Variants in ZNF268 observed in about 807,000 individuals in gnomAD.
ZNF268 encodes zinc finger protein 268, also known as zinc finger protein 3.
A neutral mutation model predicts 29.3 loss-of-function variants in ZNF268; 20 were observed. The ratio of observed to expected loss-of-function variants is 0.68; its 90% CI spans 0.48 to 0.99. The LOEUF is 0.99. ZNF268 is among the 50% of genes least tolerant of loss of function. The pLI is 0.00. For missense variants in ZNF268, 1,240 were observed against 1,121.6 expected (o/e 1.11, Z -1.51); for synonymous variants, 429 against 376.9 (o/e 1.14, Z -1.60).
intron 5 of ZNF268, among the ~76,000 whole-genome samples, chr12:133,197,783 G>A (rs1406009376): frequency 1.3e-5 from 2 of 152,080 alleles, no homozygotes; most frequent in Non-Finnish European, 2.9e-5. Context: ...TTTCTCTGAT[G>A]GCCAGTGATG....
rs563543417 is a variant in ZNF268, at chr12:133,204,619, A to G, written c.*89A>G. The G allele has an allele frequency of 1.2e-5, 13 of 1,041,160 alleles. No individual in the cohort carries two copies. The East Asian group carries it at 3.2e-4, about 26-fold the overall frequency. 64.5% of individuals were successfully genotyped at this position (1,041,160 alleles called of 1,614,324 possible). A position where few individuals can be genotyped will look rare whatever the true frequency, so the allele number is the denominator to read the frequency against. ...ACTCTGTAAGTGGAATCATCTTGTCATCTTCCAGAAAACTCATACTGAATA... is the reference window on the plus strand; with the variant it reads ...ACTCTGTAAGTGGAATCATCTTGTCGTCTTCCAGAAAACTCATACTGAATA... On this transcript the variant is annotated 3_prime_UTR_variant, in exon 6 of 6. Transcript: ENST00000536435.
Position 133,207,773 on chromosome 12 carries a change from A to C in ZNF268, c.*3243A>C, listed in dbSNP as rs1246790420. 1 of 152,122 alleles carries C rather than the reference A, an allele frequency of 6.6e-6. No homozygotes were observed. The highest frequency in any genetic ancestry group is 1.5e-5 in the Non-Finnish European group (1 of 68,036). The allele number at this position is 152,122 out of a possible 1,614,324, so 9.4% of individuals were successfully genotyped here. A position where few individuals can be genotyped will look rare whatever the true frequency, so the allele number is the denominator to read the frequency against. ...CAGTGAGCTGAGATCGTACCACTGTACTCCACCCTGGGTGACAGAACTAGA... is the reference window on the plus strand; with the variant it reads ...CAGTGAGCTGAGATCGTACCACTGTCCTCCACCCTGGGTGACAGAACTAGA... On this transcript the variant is annotated 3_prime_UTR_variant, in exon 6 of 6. Transcript: ENST00000536435.
rs763458047 is a variant in ZNF268 at position 133,202,806 on chromosome 12, C to G, written c.1120C>G (p.Gln374Glu). 1.2e-6 allele frequency: 2 copies of G among 1,605,942 alleles called. No individual in the cohort carries two copies. Among genetic ancestry groups the G allele is most frequent in the Admixed American group, 3.4e-5 (2 of 59,234 alleles). Reference sequence around the variant, plus strand: ...TGGGAAAGTCTTCAGTAGGAAAGACCAGCTTGTTTCACACCAGAAAACTCA... The same window carrying G: ...TGGGAAAGTCTTCAGTAGGAAAGACGAGCTTGTTTCACACCAGAAAACTCA... ...ECGKVFSRKD[Q>E]LVSHQKTHSG... The change falls in exon 6 of 6, where the codon CAG becomes GAG. Residue 374 changes from glutamine to glutamate, a missense_variant. This residue lies in a region of ZNF268 where 1,177 missense variants were observed against 1,039.6 expected (regional missense o/e 1.13). Transcript: ENST00000536435.
rs376850166 is a variant in ZNF268, at chr12:133,212,518, T to TAC, written c.*7994_*7995dup. On this transcript the variant is annotated 3_prime_UTR_variant, in exon 6 of 6. Coordinates refer to ENST00000536435, the MANE Select transcript of ZNF268 (RefSeq NM_003415.3). ...ATATATGTATATATACACACACACATACACACATATATACACATATATATA... is the reference window on the plus strand; with the variant it reads ...ATATATGTATATATACACACACACATACACACACATATATACACATATATATA... 8 of 138,142 alleles carry TAC rather than the reference T, an allele frequency of 5.8e-5. No homozygotes were observed. Among genetic ancestry groups the TAC allele is most frequent in the East Asian group, 2.0e-4 (1 of 5,012 alleles). 8.6% of individuals were successfully genotyped at this position (138,142 alleles called of 1,614,324 possible). A position where few individuals can be genotyped will look rare whatever the true frequency, so the allele number is the denominator to read the frequency against.
At chr12:133,182,159 T>C (rs1956192930) in intron 2 of ZNF268, 129 bp downstream of exon 2, 2 of 819,336 alleles carry the variant, frequency 2.4e-6, no homozygotes, top group South Asian at 3.7e-5. Flanking sequence ...AACTGGATCG[T>C]CATTTATAGC....
Position 133,203,445 on chromosome 12 carries a change from A to G in ZNF268, c.1759A>G (p.Thr587Ala), listed in dbSNP as rs185079658. 1.6e-5 allele frequency: 25 copies of G among 1,542,650 alleles called. No individual in the cohort carries two copies. Among genetic ancestry groups the G allele is most frequent in the Non-Finnish European group, 1.9e-5 (22 of 1,148,680 alleles). ...THAGEKPYEC[T>A]DCGKAFGLKS... ...TGCAGGAGAGAAGCCTTATGAATGCACCGACTGTGGAAAGGCTTTTGGTTT... is the reference window on the plus strand; with the variant it reads ...TGCAGGAGAGAAGCCTTATGAATGCGCCGACTGTGGAAAGGCTTTTGGTTT... The change falls in exon 6 of 6, where the codon ACC becomes GCC. Residue 587 changes from threonine to alanine, a missense_variant. Physicochemically the swap from Thr to Ala is moderately conservative, Grantham distance 58. Transcript: ENST00000536435.
In ZNF268 at chr12:133,207,156, C is replaced by T. The variant is rs1368929540; in HGVS notation, c.*2626C>T. ...AATCTATCTAGTCCTTCTACCCCAG[C>T]CCCAGAAAAGAAAGACATTCCAGAG... On this transcript the variant is annotated 3_prime_UTR_variant, in exon 6 of 6. Coordinates refer to ENST00000536435, the MANE Select transcript of ZNF268 (RefSeq NM_003415.3). The T allele has an allele frequency of 6.6e-6, 1 of 152,072 alleles. No homozygotes were observed. Among genetic ancestry groups the T allele is most frequent in the Non-Finnish European group, 1.5e-5 (1 of 68,016 alleles). The allele number at this position is 152,072 out of a possible 1,614,324, so 9.4% of individuals were successfully genotyped here.
In ZNF268 at chr12:133,208,673, T is replaced by A. The variant is rs1433457808; in HGVS notation, c.*4143T>A. 3.9e-5 allele frequency: 6 copies of A among 152,064 alleles called. No individual in the cohort carries two copies. The highest frequency in any genetic ancestry group is 1.2e-4 in the African/African-American group (5 of 41,376). 9.4% of individuals were successfully genotyped at this position (152,064 alleles called of 1,614,324 possible). A position where few individuals can be genotyped will look rare whatever the true frequency, so the allele number is the denominator to read the frequency against. On this transcript the variant is annotated 3_prime_UTR_variant, in exon 6 of 6. Coordinates refer to ENST00000536435, the MANE Select transcript of ZNF268 (RefSeq NM_003415.3). The stretch of plus-strand genomic sequence containing the variant: ...CTGTCTGTAAAAAACAAAGCAAAAT[T>A]ACAAGAATGCGCATCACTTTTATGA...
rs905196496 is a variant in ZNF268 at position 133,206,328 on chromosome 12, TAAAC to T, written c.*1800_*1803del. ...TGGATAAGTTGTCATTGAAAAATTT[TAAAC>T]AGAATTCTGGAGTGGTCAAGAGGGG... On this transcript the variant is annotated 3_prime_UTR_variant, in exon 6 of 6. Coordinates refer to ENST00000536435, the MANE Select transcript of ZNF268 (RefSeq NM_003415.3). The T allele has an allele frequency of 2.4e-4, 37 of 152,224 alleles. No homozygotes were observed. Among genetic ancestry groups the T allele is most frequent in the African/African-American group, 8.9e-4 (37 of 41,452 alleles). The allele number at this position is 152,224 out of a possible 1,614,324, so 9.4% of individuals were successfully genotyped here.
chr12:133,184,747 G>T, intron 2 of ZNF268: 1 of 447,598 alleles, frequency 2.2e-6, no homozygotes, highest in South Asian at 1.6e-5. Flanking sequence ...CTCCTGAGTA[G>T]CTGGGATTAC....
At chr12:133,194,906 TG>T (rs1378821977) in intron 5 of ZNF268, among the ~76,000 whole-genome samples, 1 of 144,216 alleles carries the variant, frequency 6.9e-6, no homozygotes, top group Non-Finnish European at 1.5e-5. Context: ...ACCCATATGT[TG>T]GTTCTTGTAC....
At position 133,203,080 on chromosome 12, in the gene ZNF268, T is replaced by C. The variant is rs1956795236; in HGVS notation, c.1394T>C (p.Ile465Thr). The C allele has an allele frequency of 4.6e-6, 7 of 1,537,754 alleles. No individual in the cohort carries two copies. The highest frequency in any genetic ancestry group is 5.2e-6 in the Non-Finnish European group (6 of 1,146,970). ...TCACAGCTCATTGTACATCAGGGGATTCACACAGGAGTAAAGCCCTATGGG... is the reference window on the plus strand; with the variant it reads ...TCACAGCTCATTGTACATCAGGGGACTCACACAGGAGTAAAGCCCTATGGG... ...FKSQLIVHQGIHTGVKPYGCI... is the reference protein window; with the variant it reads ...FKSQLIVHQGTHTGVKPYGCI... Residue 465 changes from isoleucine to threonine, a missense_variant, in exon 6 of 6, where the codon ATT becomes ACT. Physicochemically the swap from Ile to Thr is moderately conservative, Grantham distance 89. Transcript: ENST00000536435.
At chr12:133,184,986 C>T (rs1956272687) in intron 2 of ZNF268, among the ~76,000 whole-genome samples, 1 of 152,042 alleles carries the variant, frequency 6.6e-6, no homozygotes, top group Admixed American at 6.5e-5. Context: ...GAGTTCGAGA[C>T]CAGCCTGGCC....
In ZNF268 at chr12:133,203,850, A is replaced by C; in HGVS notation, c.2164A>C (p.Lys722Gln). 12 of 1,566,502 alleles carry C rather than the reference A, an allele frequency of 7.7e-6. No individual in the cohort carries two copies. The highest frequency in any genetic ancestry group is 1.0e-5 in the Non-Finnish European group (12 of 1,161,466). The change falls in exon 6 of 6, where the codon AAA becomes CAA. Residue 722 changes from lysine (K) to glutamine (Q), a missense_variant. Lys to Gln is a moderately conservative substitution (Grantham distance 53, BLOSUM62 1). Around this residue, in one of 3 missense-constraint regions of ZNF268, gnomAD observed 1,177 missense variants for 1,039.6 expected, o/e 1.13. Coordinates refer to ENST00000536435, the MANE Select transcript of ZNF268 (RefSeq NM_003415.3). ...ACATATGAGAACTCATACAGGAGAG[A>C]AACCACATGAGTGCAGGGAATGCGG... ...IIHMRTHTGE[K>Q]PHECRECGKS...
At chr12:133,184,908 G>A (rs1956270039) in intron 2 of ZNF268, 1 of 286,198 alleles carries the variant, frequency 3.5e-6, no homozygotes, top group Non-Finnish European at 7.6e-6. Flanking sequence ...GATGGGCTGT[G>A]TGTGGTGGGT....
chr12:133,184,533 C>G (rs536508114), intron 2 of ZNF268: 3 of 232,012 alleles, frequency 1.3e-5, no homozygotes, highest in South Asian at 9.5e-5. Context: ...TCTGAAACCT[C>G]TTTAAGAGGG....
In ZNF268 at chr12:133,204,067, A is replaced by G; in HGVS notation, c.2381A>G (p.Tyr794Cys). The change falls in exon 6 of 6, where the codon TAC becomes TGC. Residue 794 changes from tyrosine (Y) to cysteine (C), a missense_variant. Tyr to Cys is a radical substitution (Grantham distance 194, BLOSUM62 -2). Around this residue, in one of 3 missense-constraint regions of ZNF268, gnomAD observed 1,177 missense variants for 1,039.6 expected, o/e 1.13. Transcript: ENST00000536435. ...GGGAAAGCTTTTAGCAGCAAGTCAT[A>G]CCTAATTATACACATGAGAACTCAT... ...ECGKAFSSKS[Y>C]LIIHMRTHSG... 6.4e-7 allele frequency: 1 copy of G among 1,557,292 alleles called. No homozygotes were observed. Among genetic ancestry groups the G allele is most frequent in the Non-Finnish European group, 8.7e-7 (1 of 1,154,090 alleles).
At chr12:133,201,886 A>G (rs919233088) in intron 5 of ZNF268, among the ~76,000 whole-genome samples, 16 of 152,060 alleles carry the variant, frequency 1.1e-4, no homozygotes, top group South Asian at 2.1e-4. Context: ...TCAGTTTACT[A>G]TGCCTATCTT....
Position 133,182,005 on chromosome 12 carries a change from C to G in ZNF268, c.8C>G (p.Thr3Ser). The G allele has an allele frequency of 6.4e-7, 1 of 1,566,204 alleles. No individual in the cohort carries two copies. The highest frequency in any genetic ancestry group is 2.4e-5 in the East Asian group (1 of 42,160). MA[T>S]RVRTASIWVP... ...ACAAAACTGACCGTAGGGATGGCCA[C>G]CAGGGTCCGGACAGCTTCTATTTGG... The change falls in exon 2 of 6, where the codon ACC (threonine) becomes AGC (serine). Residue 3 changes from threonine to serine, a missense_variant. By Grantham distance (58) the Thr-to-Ser change is moderately conservative. Around this residue, in one of 3 missense-constraint regions of ZNF268, gnomAD observed 51 missense variants for 51.4 expected, o/e 0.99. Coordinates refer to ENST00000536435, the MANE Select transcript of ZNF268 (RefSeq NM_003415.3).
Sources: allele counts gnomAD v4.1 joint callset (sites outside exome capture counted in the v4.1 genomes callset), GRCh38; gene constraint gnomAD v4.1.1; regional missense constraint gnomAD v4.1.1; transcripts MANE v1.5; gene names NCBI Gene and HGNC (gene_info 2026-07-23, HGNC 2026-07-21).